GRAMD2B: variants seen among roughly 807,000 people sequenced by gnomAD.
GRAMD2B encodes the protein GRAM domain-containing protein 2B.
Under a neutral mutation model 59.2 loss-of-function variants are expected in GRAMD2B, and 41 were observed. The observed-to-expected ratio is 0.69, with a 90% CI of 0.54 to 0.90. The LOEUF (loss-of-function observed/expected upper bound fraction) is 0.90. Ranked by LOEUF, GRAMD2B falls within the 40% of genes least tolerant of loss-of-function variation. The pLI is 0.00. For missense variants in GRAMD2B, 424 were observed against 500.5 expected, an observed-to-expected ratio of 0.85 and a Z score of 1.46; for synonymous variants, 161 against 182.7, an observed-to-expected ratio of 0.88 and a Z score of 0.96.
At chr5:126,398,018 A>AT (rs70994864) in intron 1 of GRAMD2B, among the ~76,000 whole-genome samples, 1,020 of 72,282 alleles carry the variant, frequency 0.014, 15 homozygotes, top group Non-Finnish European at 0.019. Flanking sequence ...TTGTTGGGAG[A>AT]TTTTTTTTTT....
chr5:126,361,432 T>C (rs895134977), intron 1 of GRAMD2B, among the ~76,000 whole-genome samples: 26 of 151,016 alleles, frequency 1.7e-4, no homozygotes, highest in African/African-American at 5.6e-4. Flanking sequence ...TAACTGAATG[T>C]GTTGACTAGG....
At chr5:126,379,684 T>C (rs972227358) in intron 1 of GRAMD2B, among the ~76,000 whole-genome samples, 2 of 152,254 alleles carry the variant, frequency 1.3e-5, no homozygotes, top group African/African-American at 2.4e-5. Context: ...ATCATATGTT[T>C]GTTAACCATT....
intron 1 of GRAMD2B, among the ~76,000 whole-genome samples, chr5:126,364,208 A>G (rs866662287): frequency 6.6e-6 from 1 of 152,228 alleles, no homozygotes; most frequent in South Asian, 2.1e-4. Flanking sequence ...AAACTAAAAT[A>G]TAGAGATTTT....
chr5:126,435,546 C>T (rs1340249394), intron 1 of GRAMD2B, among the ~76,000 whole-genome samples: 3 of 152,142 alleles, frequency 2.0e-5, no homozygotes, highest in African/African-American at 7.2e-5. Flanking sequence ...TCCTTCTTTT[C>T]CGGCTTTGGG....
At chr5:126,485,805 G>A (rs777686677) in intron 11 of GRAMD2B, 32 bp downstream of exon 11, 2 of 1,310,586 alleles carry the variant, frequency 1.5e-6, no homozygotes, top group Non-Finnish European at 2.2e-6. Flanking sequence ...GAGTGACTAA[G>A]AAAATGATTC....
At chr5:126,466,672 G>A (rs375319723) in intron 2 of GRAMD2B, among the ~76,000 whole-genome samples, 25 of 152,176 alleles carry the variant, frequency 1.6e-4, no homozygotes, top group Admixed American at 9.8e-4. Context: ...GTGATCCACC[G>A]GCCTTGGCCT....
At chr5:126,406,332 G>A (rs992006996) in intron 1 of GRAMD2B, among the ~76,000 whole-genome samples, 12 of 151,638 alleles carry the variant, frequency 7.9e-5, no homozygotes, top group African/African-American at 2.9e-4. Context: ...TTGTGCACAT[G>A]TACCCTAAAA....
chr5:126,400,359 T>G (rs1757715532), intron 1 of GRAMD2B, among the ~76,000 whole-genome samples: 4 of 152,148 alleles, frequency 2.6e-5, no homozygotes. Context: ...TTCTCACACA[T>G]ACAGTTTATG....
At chr5:126,469,647 T>G (rs1178728875) in intron 2 of GRAMD2B, 30 bp from the exon 3 acceptor site, 1 of 1,484,270 alleles carries the variant, frequency 6.7e-7, no homozygotes, top group Non-Finnish European at 9.3e-7. Context: ...AAAAATTATC[T>G]TATAGACACC....
At position 126,489,269 on chromosome 5, in the gene GRAMD2B, C is replaced by G. The variant is rs1773513122; in HGVS notation, c.1257+377C>G. 2.0e-5 allele frequency among the ~76,000 whole-genome samples: 3 copies of G among 152,270 alleles called. No individual in the cohort carries two copies. In the South Asian group the frequency reaches 6.2e-4, roughly 32 times the overall value. On this transcript the variant is annotated intron_variant, in intron 13 of 13. Coordinates refer to ENST00000285689, the MANE Select transcript of GRAMD2B (RefSeq NM_023927.4). Reference sequence around the variant, plus strand: ...TTGGCCAGAAAGTACAGCCCCAACTCCACCAAGGCTGACTGTTCCCATAGG... The same window carrying G: ...TTGGCCAGAAAGTACAGCCCCAACTGCACCAAGGCTGACTGTTCCCATAGG...
upstream of GRAMD2B, among the ~76,000 whole-genome samples, chr5:126,418,455 G>A (rs1759441062): frequency 6.6e-6 from 1 of 152,126 alleles, no homozygotes; most frequent in African/African-American, 2.4e-5. Context: ...GTAAGCCCTT[G>A]CCATCTTGCC....
chr5:126,375,536 A>AT (rs1302606849), intron 1 of GRAMD2B, among the ~76,000 whole-genome samples: 1 of 151,822 alleles, frequency 6.6e-6, no homozygotes, highest in East Asian at 1.9e-4. Flanking sequence ...CACCTGGCTA[A>AT]TTTTTTTGTA....
At chr5:126,487,365 T>C (rs1773135068) in intron 12 of GRAMD2B, among the ~76,000 whole-genome samples, 1 of 152,202 alleles carries the variant, frequency 6.6e-6, no homozygotes, top group Admixed American at 6.5e-5. Context: ...TTATCATGTA[T>C]AACTTTTTAT....
intron 1 of GRAMD2B, among the ~76,000 whole-genome samples, chr5:126,430,261 G>T (rs1761350474): frequency 6.6e-6 from 1 of 152,114 alleles, no homozygotes; most frequent in Admixed American, 6.5e-5. Context: ...CATTCCCTAA[G>T]ATAGACATAT....
chr5:126,426,182 T>C (rs1046979647), intron 1 of GRAMD2B, among the ~76,000 whole-genome samples: 2 of 152,060 alleles, frequency 1.3e-5, no homozygotes, highest in African/African-American at 4.8e-5. Context: ...ATATATTTCT[T>C]ATAAAATTCA....
At chr5:126,417,358 T>C (rs1759347767) in intron 1 of GRAMD2B, among the ~76,000 whole-genome samples, 1 of 152,210 alleles carries the variant, frequency 6.6e-6, no homozygotes, top group South Asian at 2.1e-4. Context: ...TGTACTGAGA[T>C]GGCCATGCTG....
chr5:126,362,268 C>T (rs1754255465), intron 1 of GRAMD2B, among the ~76,000 whole-genome samples: 1 of 152,146 alleles, frequency 6.6e-6, no homozygotes, highest in Non-Finnish European at 1.5e-5. Flanking sequence ...CCTTGCTACA[C>T]TTCACTGTTT....
chr5:126,430,708 G>T (rs1183448635), intron 1 of GRAMD2B, among the ~76,000 whole-genome samples: 1 of 152,088 alleles, frequency 6.6e-6, no homozygotes, highest in Non-Finnish European at 1.5e-5. Flanking sequence ...AAAAAGAAAA[G>T]AAAGGGCTTT....
chr5:126,397,591 C>T (rs533881246), intron 1 of GRAMD2B, among the ~76,000 whole-genome samples: 4 of 152,184 alleles, frequency 2.6e-5, no homozygotes, highest in South Asian at 2.1e-4. Flanking sequence ...GAAAGGATGT[C>T]GAACTGTGTC....
Sources: allele counts gnomAD v4.1 joint callset (sites outside exome capture counted in the v4.1 genomes callset), GRCh38; gene constraint gnomAD v4.1.1; transcripts MANE v1.5; gene names NCBI Gene and HGNC (gene_info 2026-07-23, HGNC 2026-07-21).